HEMK2: variants seen among roughly 807,000 people sequenced by gnomAD.
HEMK2 encodes the protein HemK methyltransferase 2, ETF1 glutamine and histone H4 lysine.
At chr21:28,685,076 T>C in the HEMK2 span, among the ~76,000 whole-genome samples, 1 of 151,702 alleles carries the variant, frequency 6.6e-6, no homozygotes, top group Non-Finnish European at 1.5e-5. Flanking sequence ...GGTATTAGAG[T>C]CAGGGAAGTA....
chr21:28,787,229 C>G, the HEMK2 span, among the ~76,000 whole-genome samples: 1 of 152,182 alleles, frequency 6.6e-6, no homozygotes, highest in African/African-American at 2.4e-5. Context: ...GGATTAAGGA[C>G]TTAAACCTAA....
At chr21:28,710,664 T>A in the HEMK2 span, among the ~76,000 whole-genome samples, 1 of 151,488 alleles carries the variant, frequency 6.6e-6, no homozygotes, top group Non-Finnish European at 1.5e-5. Context: ...GAAGAAGGAG[T>A]AGGAGTGAAG....
chr21:28,882,275 T>G, the HEMK2 span: 1 of 1,562,158 alleles, frequency 6.4e-7, no homozygotes, highest in East Asian at 2.2e-5. Flanking sequence ...GGAAGGAAAC[T>G]ATATCCTATG....
At chr21:28,591,939 T>C in the HEMK2 span, among the ~76,000 whole-genome samples, 1 of 152,228 alleles carries the variant, frequency 6.6e-6, no homozygotes, top group Non-Finnish European at 1.5e-5. Flanking sequence ...ATTTTCTTTA[T>C]CCAGTCTACT....
At chr21:28,795,530 G>A in the HEMK2 span, among the ~76,000 whole-genome samples, 1 of 152,182 alleles carries the variant, frequency 6.6e-6, no homozygotes, top group African/African-American at 2.4e-5. Context: ...ACCTACCATG[G>A]TGATCATTCA....
chr21:28,584,426 A>G, the HEMK2 span, among the ~76,000 whole-genome samples: 9 of 152,350 alleles, frequency 5.9e-5, no homozygotes, highest in South Asian at 1.7e-3. Flanking sequence ...AGGAAGATAA[A>G]TAATTAAATT....
the HEMK2 span, among the ~76,000 whole-genome samples, chr21:28,814,456 T>C: frequency 6.7e-6 from 1 of 150,358 alleles, no homozygotes; most frequent in African/African-American, 2.5e-5. Context: ...ACCTACAGAA[T>C]GGGAGAAAAT....
the HEMK2 span, among the ~76,000 whole-genome samples, chr21:28,741,104 C>A: frequency 6.6e-6 from 1 of 152,146 alleles, no homozygotes; most frequent in Non-Finnish European, 1.5e-5. Context: ...AAACCAAGCA[C>A]AATCCCAAAT....
the HEMK2 span, among the ~76,000 whole-genome samples, chr21:28,591,222 T>C: frequency 2.0e-5 from 3 of 152,180 alleles, no homozygotes; most frequent in Non-Finnish European, 2.9e-5. Context: ...AGATTACATA[T>C]AAAAACACTT....
the HEMK2 span, among the ~76,000 whole-genome samples, chr21:28,709,145 A>G: frequency 6.6e-6 from 1 of 152,166 alleles, no homozygotes; most frequent in Non-Finnish European, 1.5e-5. Context: ...CTAGTGACCT[A>G]ATCGCCACCC....
chr21:28,831,472 A>AG, the HEMK2 span, among the ~76,000 whole-genome samples: 10 of 37,954 alleles, frequency 2.6e-4, no homozygotes, highest in Non-Finnish European at 4.4e-4. Flanking sequence ...CGAAAGAAAG[A>AG]AAGAAAGAAA....
the HEMK2 span, among the ~76,000 whole-genome samples, chr21:28,618,749 GACAGT>G: frequency 6.6e-6 from 1 of 152,066 alleles, no homozygotes; most frequent in Admixed American, 6.6e-5. Context: ...TTTACTTTTT[GACAGT>G]ACATTGGCAC....
chr21:28,587,762 T>C, the HEMK2 span, among the ~76,000 whole-genome samples: 1 of 152,172 alleles, frequency 6.6e-6, no homozygotes, highest in Non-Finnish European at 1.5e-5. Flanking sequence ...ATTCCAGAAA[T>C]TCAAAATGCA....
the HEMK2 span, among the ~76,000 whole-genome samples, chr21:28,595,941 G>C: frequency 0.018 from 2,701 of 150,268 alleles, 107 homozygotes; most frequent in African/African-American, 0.064. Context: ...CCTGCCACCA[G>C]GCCCAGCTAA....
At chr21:28,716,220 T>C in the HEMK2 span, among the ~76,000 whole-genome samples, 5 of 152,214 alleles carry the variant, frequency 3.3e-5, no homozygotes, top group Non-Finnish European at 7.3e-5. Flanking sequence ...TACATTACTT[T>C]GGCCAGTATG....
At chr21:28,743,883 C>CT in the HEMK2 span, among the ~76,000 whole-genome samples, 2 of 152,086 alleles carry the variant, frequency 1.3e-5, no homozygotes, top group African/African-American at 4.8e-5. Context: ...AGCCATGGGA[C>CT]ATATAGACCA....
the HEMK2 span, among the ~76,000 whole-genome samples, chr21:28,704,867 T>G: frequency 1.3e-3 from 202 of 152,368 alleles, no homozygotes; most frequent in African/African-American, 4.7e-3. Context: ...TCCTGGTCCC[T>G]GTACCAGGTG....
At chr21:28,646,382 T>C in the HEMK2 span, among the ~76,000 whole-genome samples, 1 of 152,110 alleles carries the variant, frequency 6.6e-6, no homozygotes, top group Non-Finnish European at 1.5e-5. Context: ...GAGAAGAGGA[T>C]ATGAGGGGAC....
chr21:28,747,255 G>T, the HEMK2 span, among the ~76,000 whole-genome samples: 1 of 152,206 alleles, frequency 6.6e-6, no homozygotes, highest in South Asian at 2.1e-4. Flanking sequence ...GAGTTGTCCT[G>T]CAAGGCCCGG....
Sources: gnomAD v4.1 joint callset for allele counts (sites outside exome capture counted in the v4.1 genomes callset) on GRCh38, gnomAD v4.1.1 for gene constraint, MANE v1.5 for transcripts, NCBI Gene and HGNC (gene_info 2026-07-23, HGNC 2026-07-21) for gene names.